CADM2: variants seen among roughly 807,000 people sequenced by gnomAD.
CADM2 encodes the protein immunoglobulin superfamily member 4D.
A neutral mutation model predicts 49.8 loss-of-function variants in CADM2; 12 were observed. The ratio of observed to expected loss-of-function variants is 0.24; its 90% confidence interval spans 0.15 to 0.39. The LOEUF (loss-of-function observed/expected upper bound fraction) is 0.39. Among genes scored for constraint, CADM2 ranks in the 10% least tolerant of loss-of-function variants. The pLI is 1.00. For synonymous variants in CADM2, 214 were observed against 175.4 expected (o/e 1.22, Z -1.74); for missense variants, 378 against 492.3 (o/e 0.77, Z 2.20).
At chr3:85,907,474 T>C (rs1176739935) in intron 5 of CADM2, among the ~76,000 whole-genome samples, 1 of 152,158 alleles carries the variant, frequency 6.6e-6, no homozygotes, top group Non-Finnish European at 1.5e-5. Flanking sequence ...TGAGAAAATA[T>C]GGAAGTTTCA....
chr3:85,845,159 A>C (rs2108274565), intron 3 of CADM2, among the ~76,000 whole-genome samples: 1 of 150,458 alleles, frequency 6.6e-6, no homozygotes, highest in Admixed American at 6.6e-5. Context: ...TAGTCACAAA[A>C]AAAAAAAAAA....
At chr3:85,552,366 G>GTTTTTTTT (rs36014885) in intron 1 of CADM2, among the ~76,000 whole-genome samples, 3 of 87,588 alleles carry the variant, frequency 3.4e-5, no homozygotes, top group African/African-American at 1.4e-4. Flanking sequence ...ACTTTGAAAA[G>GTTTTTTTT]TTTTTTTTTT....
At chr3:85,203,880 T>C (rs1392689788) in intron 1 of CADM2, among the ~76,000 whole-genome samples, 1 of 152,234 alleles carries the variant, frequency 6.6e-6, no homozygotes, top group African/African-American at 2.4e-5. Flanking sequence ...AAATCTTTTA[T>C]TGCCCATTTA....
At chr3:85,700,032 A>G (rs551425285) in intron 1 of CADM2, among the ~76,000 whole-genome samples, 43 of 152,330 alleles carry the variant, frequency 2.8e-4, no homozygotes, top group Middle Eastern at 3.4e-3. Flanking sequence ...AGACACATGC[A>G]CACGTATGTT....
intron 1 of CADM2, among the ~76,000 whole-genome samples, chr3:85,022,070 G>A (rs959990983): frequency 2.0e-5 from 3 of 152,124 alleles, no homozygotes; most frequent in African/African-American, 7.2e-5. Flanking sequence ...GAAAAATAAC[G>A]TAAGAACAAA....
At chr3:85,575,156 T>TAC (rs1436522927) in intron 1 of CADM2, among the ~76,000 whole-genome samples, 6 of 152,226 alleles carry the variant, frequency 3.9e-5, no homozygotes, top group African/African-American at 1.4e-4. Context: ...AGACTACTCT[T>TAC]ATAATTTTCA....
At chr3:86,041,555 A>G (rs1167359253) in intron 8 of CADM2, among the ~76,000 whole-genome samples, 2 of 152,194 alleles carry the variant, frequency 1.3e-5, no homozygotes, top group African/African-American at 2.4e-5. Context: ...ATATGCACCC[A>G]ATATAGGAGC....
At chr3:85,130,107 G>A (rs2039174005) in intron 1 of CADM2, among the ~76,000 whole-genome samples, 1 of 152,040 alleles carries the variant, frequency 6.6e-6, no homozygotes, top group Non-Finnish European at 1.5e-5. Context: ...TTAAGATTAT[G>A]CACATTAAAT....
chr3:85,972,180 A>G (rs573373469), intron 8 of CADM2, among the ~76,000 whole-genome samples: 1 of 151,654 alleles, frequency 6.6e-6, no homozygotes, highest in Non-Finnish European at 1.5e-5. Flanking sequence ...GCTGAGCATA[A>G]TGGGAGCAGA....
chr3:85,253,630 T>G (rs2042823245), intron 1 of CADM2, among the ~76,000 whole-genome samples: 1 of 152,126 alleles, frequency 6.6e-6, no homozygotes, highest in Admixed American at 6.6e-5. Context: ...GCAACATTTT[T>G]TCTAATGTCC....
chr3:85,844,528 A>T (rs866407246), intron 3 of CADM2, among the ~76,000 whole-genome samples: 85 of 152,296 alleles, frequency 5.6e-4, no homozygotes, highest in Middle Eastern at 3.4e-3. Flanking sequence ...AAACAAATGC[A>T]ACTTTCTGTT....
chr3:85,693,903 A>G (rs1490232506), intron 1 of CADM2, among the ~76,000 whole-genome samples: 1 of 151,106 alleles, frequency 6.6e-6, no homozygotes, highest in Non-Finnish European at 1.5e-5. Context: ...CTAAAAAAAA[A>G]AAAAGAAAAA....
intron 1 of CADM2, among the ~76,000 whole-genome samples, chr3:85,446,597 G>GTTTTT (rs1447208577): frequency 9.3e-6 from 1 of 107,612 alleles, no homozygotes; most frequent in African/African-American, 2.7e-5. Context: ...AGTTTTTTTT[G>GTTTTT]TTTTTTGTTT....
intron 3 of CADM2, among the ~76,000 whole-genome samples, chr3:85,816,159 A>G (rs73845679): frequency 0.052 from 7,763 of 150,116 alleles, 558 homozygotes; most frequent in African/African-American, 0.16. Context: ...TTTGCATCAG[A>G]CTTTTATAGA....
intron 1 of CADM2, among the ~76,000 whole-genome samples, chr3:85,132,900 C>A (rs1465917295): frequency 6.6e-6 from 1 of 152,108 alleles, no homozygotes; most frequent in Non-Finnish European, 1.5e-5. Context: ...CGGACCCTGG[C>A]GGTGAGTGTT....
intron 1 of CADM2, among the ~76,000 whole-genome samples, chr3:85,522,448 A>G (rs950927421): frequency 2.0e-5 from 3 of 152,136 alleles, no homozygotes; most frequent in Non-Finnish European, 4.4e-5. Context: ...CCATTTCTTT[A>G]TAGCATAGAG....
chr3:85,233,897 A>T (rs895129381), intron 1 of CADM2, among the ~76,000 whole-genome samples: 2 of 152,106 alleles, frequency 1.3e-5, no homozygotes, highest in African/African-American at 4.8e-5. Context: ...CACAAAATGC[A>T]TATTTAATTC....
rs1703364764 is a variant in CADM2 at position 86,072,871 on chromosome 3, A to T, written c.*6088A>T. 1 of 152,060 alleles carries T rather than the reference A, an allele frequency of 6.6e-6. No homozygotes were observed. The highest frequency in any genetic ancestry group is 6.6e-5 in the Admixed American group (1 of 15,230). 9.4% of individuals were successfully genotyped at this position (152,060 alleles called of 1,614,324 possible). Reference sequence around the variant, plus strand: ...AAATCTCATAAATAGAAAGAAAAATAATCTAGAAATTTTTCAAAGCTAGTA... The same window carrying T: ...AAATCTCATAAATAGAAAGAAAAATTATCTAGAAATTTTTCAAAGCTAGTA... On this transcript the variant is annotated 3_prime_UTR_variant, in exon 10 of 10. Coordinates refer to ENST00000383699, the MANE Select transcript of CADM2 (RefSeq NM_001167675.2).
chr3:85,051,010 C>A (rs2035862060), intron 1 of CADM2, among the ~76,000 whole-genome samples: 1 of 152,138 alleles, frequency 6.6e-6, no homozygotes, highest in African/African-American at 2.4e-5. Context: ...CTGCTTCATG[C>A]TATTCTTAAA....
Sources: allele counts gnomAD v4.1 joint callset (sites outside exome capture counted in the v4.1 genomes callset), GRCh38; gene constraint gnomAD v4.1.1; transcripts MANE v1.5; gene names NCBI Gene and HGNC (gene_info 2026-07-23, HGNC 2026-07-21).